The following CDR2 variants were observed in gnomAD, a reference collection of about 807,000 sequenced individuals.
The protein encoded by CDR2 is cerebellar degeneration related protein 2.
In CDR2, 34 loss-of-function variants were observed where a neutral mutation model predicts 48.4. The ratio of observed to expected loss-of-function variants is 0.70; its 90% CI spans 0.53 to 0.94. The LOEUF (loss-of-function observed/expected upper bound fraction) is 0.94. Among genes scored for constraint, CDR2 ranks in the 40% least tolerant of loss-of-function variants. The pLI, the probability that CDR2 is intolerant of heterozygous loss-of-function variation, is 0.00. For missense variants in CDR2, 498 were observed against 549.5 expected (o/e 0.91, Z 0.94); for synonymous variants, 240 against 219.7 (o/e 1.09, Z -0.82).
In CDR2 at chr16:22,373,664, T is replaced by C. The variant is rs147732379; in HGVS notation, c.79+567A>G. Among the ~76,000 whole-genome samples the C allele has an allele frequency of 9.5e-4, 145 of 152,384 alleles. 1 individual carries two copies. Among genetic ancestry groups the C allele is most frequent in the African/African-American group, 2.7e-3 (111 of 41,592 alleles). On this transcript the variant is annotated intron_variant, in intron 1 of 4. Coordinates refer to ENST00000268383, the MANE Select transcript of CDR2 (RefSeq NM_001802.2). ...ACGTGCTTATTTCACACTGCGTGCC[T>C]GTATCCAAACATCTCATGTACCCCA...
intron 2 of CDR2, among the ~76,000 whole-genome samples, chr16:22,350,298 C>T (rs971192087): frequency 1.3e-5 from 2 of 152,202 alleles, no homozygotes; most frequent in Non-Finnish European, 2.9e-5. Context: ...CATCTCTGGG[C>T]TCACTGGCCT....
intron 2 of CDR2, among the ~76,000 whole-genome samples, chr16:22,355,669 T>C (rs2048970429): frequency 6.6e-6 from 1 of 152,196 alleles, no homozygotes; most frequent in South Asian, 2.1e-4. Flanking sequence ...TCTGAGAAAT[T>C]AGAAGAGATA....
chr16:22,361,897 CTTTTTT>C (rs11303236), intron 2 of CDR2, among the ~76,000 whole-genome samples: 2 of 68,146 alleles, frequency 2.9e-5, no homozygotes, highest in African/African-American at 1.1e-4. Flanking sequence ...GAATTTTATA[CTTTTTT>C]TTTTTTTTTT....
chr16:22,369,257 G>A (rs2049061149), intron 1 of CDR2, among the ~76,000 whole-genome samples: 1 of 148,584 alleles, frequency 6.7e-6, no homozygotes, highest in Non-Finnish European at 1.5e-5. Context: ...ACCAGCATGG[G>A]CAACATAGCA....
chr16:22,374,114 G>C, intron 1 of CDR2, 117 bp downstream of exon 1: 1 of 651,790 alleles, frequency 1.5e-6, no homozygotes, highest in Non-Finnish European at 2.6e-6. Context: ...AGGTGAGCCT[G>C]AGCCCTTCCC....
chr16:22,373,820 C>G (rs1249914353), intron 1 of CDR2, among the ~76,000 whole-genome samples: 2 of 152,266 alleles, frequency 1.3e-5, no homozygotes, highest in Non-Finnish European at 2.9e-5. Flanking sequence ...AGCCGGCCCT[C>G]CACGCTGGCC....
chr16:22,353,590 A>G (rs2048956425), intron 2 of CDR2, among the ~76,000 whole-genome samples: 1 of 152,170 alleles, frequency 6.6e-6, no homozygotes, highest in Non-Finnish European at 1.5e-5. Context: ...TTAGACCTTT[A>G]TGGGCCAGAA....
At chr16:22,373,858 C>A (rs2049096421) in intron 1 of CDR2, among the ~76,000 whole-genome samples, 1 of 152,250 alleles carries the variant, frequency 6.6e-6, no homozygotes, top group Non-Finnish European at 1.5e-5. Context: ...AGACAGCCTG[C>A]GACGGGGCGG....
chr16:22,361,617 C>T (rs1033300091), intron 2 of CDR2, among the ~76,000 whole-genome samples: 1 of 152,198 alleles, frequency 6.6e-6, no homozygotes, highest in Non-Finnish European at 1.5e-5. Flanking sequence ...GCCATTACTG[C>T]CATCTCATCT....
rs1482782765 is a variant in CDR2, at chr16:22,347,433, C to A, written c.897G>T (p.Pro299=). 6.2e-7 allele frequency: 1 copy of A among 1,613,926 alleles called. No homozygotes were observed. Among genetic ancestry groups the A allele is most frequent in the African/African-American group, 1.3e-5 (1 of 75,044 alleles). Residue 299 remains proline (P), a synonymous_variant, in exon 5 of 5, where the codon CCG becomes CCT. Transcript: ENST00000268383. ...GCTTGAGAGGCTTTCTATGTGATTCCGGCACAGTCAGGAACATCTCTTCCA... is the reference window on the plus strand; with the variant it reads ...GCTTGAGAGGCTTTCTATGTGATTCAGGCACAGTCAGGAACATCTCTTCCA... The part of the protein sequence containing the change: ...SLLEEMFLTV[P]ESHRKPLKRS...
At chr16:22,363,934 ATAT>A (rs900345383) in intron 2 of CDR2, among the ~76,000 whole-genome samples, 4 of 152,044 alleles carry the variant, frequency 2.6e-5, no homozygotes, top group East Asian at 3.8e-4. Flanking sequence ...AAAAGGTATT[ATAT>A]TATTATTATT....
Position 22,349,450 on chromosome 16 carries a change from G to A in CDR2, c.342-7C>T, listed in dbSNP as rs1266105811. 1 of 1,614,048 alleles carries A rather than the reference G, an allele frequency of 6.2e-7. No individual in the cohort carries two copies. Among genetic ancestry groups the A allele is most frequent in the Non-Finnish European group, 8.5e-7 (1 of 1,179,970 alleles). ...TTCAATCGTTTCAGTCAGGCTGTGA[G>A]GAACAGACAGAAGCCACTGCTGCTT... On this transcript the variant is annotated splice_polypyrimidine_tract_variant and splice_region_variant and intron_variant, in intron 3 of 4. Transcript: ENST00000268383.
At chr16:22,351,424 T>C (rs952399247) in intron 2 of CDR2, among the ~76,000 whole-genome samples, 44 of 152,170 alleles carry the variant, frequency 2.9e-4, no homozygotes, top group African/African-American at 1.0e-3. Flanking sequence ...TTCTAGATCC[T>C]TGAGGAATTG....
chr16:22,349,599 C>A, intron 3 of CDR2, 102 bp downstream of exon 3: 1 of 1,422,516 alleles, frequency 7.0e-7, no homozygotes, highest in Non-Finnish European at 9.7e-7. Flanking sequence ...TAAATTAAAC[C>A]TTATCCCATA....
chr16:22,361,126 C>T (rs1306901466), intron 2 of CDR2, among the ~76,000 whole-genome samples: 1 of 152,124 alleles, frequency 6.6e-6, no homozygotes, highest in African/African-American at 2.4e-5. Flanking sequence ...ATTCCATTCA[C>T]GTAAAGGTCA....
chr16:22,351,921 C>T (rs1020119019), intron 2 of CDR2, among the ~76,000 whole-genome samples: 1 of 152,246 alleles, frequency 6.6e-6, no homozygotes, highest in Admixed American at 6.5e-5. Context: ...TACTGATGAT[C>T]AAACTGTAAA....
rs186287581 is a variant in CDR2, at chr16:22,367,749, T to G, written c.80-2735A>C. 2.4e-4 allele frequency among the ~76,000 whole-genome samples: 36 copies of G among 152,336 alleles called. 1 individual carries two copies. Among genetic ancestry groups the G allele is most frequent in the Non-Finnish European group, 3.4e-4 (23 of 68,032 alleles). ...GTCCACTCAAGTGCATAATTAGTATTCTACTTGGTTAGTTTTCACTCTGGA... is the reference window on the plus strand; with the variant it reads ...GTCCACTCAAGTGCATAATTAGTATGCTACTTGGTTAGTTTTCACTCTGGA... On this transcript the variant is annotated intron_variant, in intron 1 of 4. Coordinates refer to ENST00000268383, the MANE Select transcript of CDR2 (RefSeq NM_001802.2).
chr16:22,353,345 T>A (rs2048955068), intron 2 of CDR2, among the ~76,000 whole-genome samples: 2 of 152,138 alleles, frequency 1.3e-5, no homozygotes, highest in Admixed American at 1.3e-4. Flanking sequence ...AGCACAGGCT[T>A]TGGAGTCAGA....
intron 2 of CDR2, among the ~76,000 whole-genome samples, chr16:22,354,576 A>C (rs566102067): frequency 6.6e-6 from 1 of 152,312 alleles, no homozygotes; most frequent in South Asian, 2.1e-4. Flanking sequence ...GGCTAATCTT[A>C]TCCACTGCAT....
Sources: allele counts gnomAD v4.1 joint callset (sites outside exome capture counted in the v4.1 genomes callset), GRCh38; gene constraint gnomAD v4.1.1; transcripts MANE v1.5; gene names NCBI Gene and HGNC (gene_info 2026-07-23, HGNC 2026-07-21).